PRKD1: variants seen among roughly 807,000 people sequenced by gnomAD.
The protein encoded by PRKD1 is serine/threonine-protein kinase D1.
Under a neutral mutation model 95.9 loss-of-function variants are expected in PRKD1, and 63 were observed. The ratio of observed to expected loss-of-function variants is 0.66; its 90% CI spans 0.54 to 0.81. The LOEUF is 0.81. PRKD1 is among the 30% of genes least tolerant of loss of function. PRKD1 has a pLI of 0.00. For missense variants in PRKD1, 1,048 were observed against 1,165.3 expected, an observed-to-expected ratio of 0.90 and a Z score of 1.47; for synonymous variants, 425 against 423.1, an observed-to-expected ratio of 1.00 and a Z score of -0.05.
chr14:29,789,962 A>G (rs1889460057), intron 1 of PRKD1, among the ~76,000 whole-genome samples: 2 of 151,332 alleles, frequency 1.3e-5, no homozygotes, highest in South Asian at 4.2e-4. Context: ...TGTTTATTTC[A>G]TAATAAAGAT....
intron 1 of PRKD1, among the ~76,000 whole-genome samples, chr14:29,800,465 CTT>C (rs1000892939): frequency 9.9e-5 from 15 of 152,240 alleles, no homozygotes; most frequent in South Asian, 8.3e-4. Flanking sequence ...GACAAAAAAA[CTT>C]TTATGGATTC....
At chr14:29,618,305 T>C (rs1403954433) in intron 13 of PRKD1, among the ~76,000 whole-genome samples, 1 of 150,172 alleles carries the variant, frequency 6.7e-6, no homozygotes, top group Admixed American at 6.7e-5. Flanking sequence ...CAGGCTGGAG[T>C]GCAGTGGTAT....
rs1275271286 is a variant in PRKD1, at chr14:29,630,892, C to A, written c.1522G>T (p.Val508Phe). The change falls in exon 10 of 18, where the codon GTC becomes TTC. Residue 508 changes from valine to phenylalanine, a missense_variant. Physicochemically the swap from Val to Phe is conservative, Grantham distance 50. Coordinates refer to ENST00000331968, the MANE Select transcript of PRKD1 (RefSeq NM_002742.3). ...NVVYYVGENV[V>F]NPSSPSPNNS... ...TTTGGTGATGGGCTGGAAGGATTGA[C>A]CACATTTTCTCCCACATAATACACT... The A allele has an allele frequency of 6.2e-7, 1 of 1,614,106 alleles. No individual in the cohort carries two copies. Among genetic ancestry groups the A allele is most frequent in the Admixed American group, 1.7e-5 (1 of 60,006 alleles).
chr14:29,789,619 C>T (rs908825511), intron 1 of PRKD1, among the ~76,000 whole-genome samples: 2 of 152,244 alleles, frequency 1.3e-5, no homozygotes, highest in East Asian at 3.9e-4. Flanking sequence ...AAGTGAATGC[C>T]AATGGTGGCA....
chr14:29,892,005 C>T (rs1893953640), intron 1 of PRKD1, among the ~76,000 whole-genome samples: 1 of 152,084 alleles, frequency 6.6e-6, no homozygotes. Context: ...CAGTTCATTG[C>T]CTTGGTATTA....
intron 2 of PRKD1, among the ~76,000 whole-genome samples, chr14:29,677,854 C>T (rs1221229501): frequency 2.0e-5 from 3 of 152,178 alleles, no homozygotes; most frequent in Admixed American, 6.5e-5. Flanking sequence ...CTTGTGCCAC[C>T]GTGCCCAGCC....
At chr14:29,831,488 AGATG>A (rs1891412016) in intron 1 of PRKD1, among the ~76,000 whole-genome samples, 1 of 125,134 alleles carries the variant, frequency 8.0e-6, no homozygotes, top group Non-Finnish European at 1.7e-5. Context: ...TTGTTTTTTG[AGATG>A]GAGTCTTGTT....
intron 15 of PRKD1, 55 bp from the exon 16 acceptor site, chr14:29,597,813 T>C (rs1334350596): frequency 6.6e-7 from 1 of 1,516,474 alleles, no homozygotes; most frequent in African/African-American, 1.4e-5. Flanking sequence ...TGTCTGTGTG[T>C]CTTAGTTCAG....
At chr14:29,786,253 G>A (rs547087331) in intron 1 of PRKD1, among the ~76,000 whole-genome samples, 5 of 152,156 alleles carry the variant, frequency 3.3e-5, no homozygotes, top group South Asian at 2.1e-4. Flanking sequence ...ATAATATTTT[G>A]TTGAGGTTTT....
At chr14:29,736,606 G>C (rs1953730) in intron 1 of PRKD1, among the ~76,000 whole-genome samples, 22,406 of 152,132 alleles carry the variant, frequency 0.15, 1,988 homozygotes, top group South Asian at 0.22. Flanking sequence ...CTTTGTGGTC[G>C]TGAGTGCAAA....
chr14:29,648,516 C>A (rs1459278373), intron 4 of PRKD1, among the ~76,000 whole-genome samples: 2 of 152,160 alleles, frequency 1.3e-5, no homozygotes, highest in East Asian at 3.9e-4. Context: ...GACAACCATT[C>A]ACTAAAAAGT....
At chr14:29,615,783 T>C (rs893981169) in intron 13 of PRKD1, among the ~76,000 whole-genome samples, 10 of 152,206 alleles carry the variant, frequency 6.6e-5, no homozygotes, top group Non-Finnish European at 4.4e-5. Context: ...ACAGGTACTG[T>C]CGAATGACTT....
At chr14:29,813,129 G>T (rs1166597403) in intron 1 of PRKD1, among the ~76,000 whole-genome samples, 1 of 151,924 alleles carries the variant, frequency 6.6e-6, no homozygotes, top group Admixed American at 6.6e-5. Context: ...AACAACAAAA[G>T]ACTTCTCTCA....
chr14:29,603,677 A>G (rs1313832126), intron 13 of PRKD1, among the ~76,000 whole-genome samples: 1 of 152,144 alleles, frequency 6.6e-6, no homozygotes, highest in Admixed American at 6.6e-5. Flanking sequence ...ATTTCCTCCT[A>G]ATGTCCAAAG....
chr14:29,744,671 C>G (rs897093554), intron 1 of PRKD1, among the ~76,000 whole-genome samples: 1 of 152,098 alleles, frequency 6.6e-6, no homozygotes, highest in Non-Finnish European at 1.5e-5. Flanking sequence ...TTCAGCCTCC[C>G]GAGTAGTTGG....
At chr14:29,831,921 C>G (rs933154985) in intron 1 of PRKD1, among the ~76,000 whole-genome samples, 1 of 151,998 alleles carries the variant, frequency 6.6e-6, no homozygotes, top group Non-Finnish European at 1.5e-5. Flanking sequence ...GGGACCTGTC[C>G]ATGTTAATAC....
chr14:29,796,534 C>T lies in PRKD1; in HGVS notation c.265-70860G>A, dbSNP rs1042335234. Among the ~76,000 whole-genome samples, 3 of 152,066 alleles carry T rather than the reference C, an allele frequency of 2.0e-5. No homozygotes were observed. The East Asian group carries it at 5.8e-4, about 29-fold the overall frequency. On this transcript the variant is annotated intron_variant, in intron 1 of 17. Transcript: ENST00000331968. ...ATAAATCATATTTAATGTCATGAGA[C>T]TGAATGAGATCCCCAACAATAACTG... is the stretch of plus-strand genomic sequence containing the variant.
At chr14:29,773,775 T>G (rs1888614092) in intron 1 of PRKD1, among the ~76,000 whole-genome samples, 1 of 152,196 alleles carries the variant, frequency 6.6e-6, no homozygotes, top group Non-Finnish European at 1.5e-5. Context: ...GACTGCAAGC[T>G]GCACACGAGA....
At chr14:29,832,415 A>G (rs1891446040) in intron 1 of PRKD1, among the ~76,000 whole-genome samples, 1 of 152,038 alleles carries the variant, frequency 6.6e-6, no homozygotes, top group East Asian at 1.9e-4. Flanking sequence ...TCTCTTATTG[A>G]TTTATAAGAC....
Sources: gnomAD v4.1 joint callset for allele counts (sites outside exome capture counted in the v4.1 genomes callset) on GRCh38, gnomAD v4.1.1 for gene constraint, MANE v1.5 for transcripts, NCBI Gene and HGNC (gene_info 2026-07-23, HGNC 2026-07-21) for gene names.